DHX32: variants seen among roughly 807,000 people sequenced by gnomAD.
The protein encoded by DHX32 is DEAH-box helicase 32 (putative).
In DHX32, 51 loss-of-function variants were observed where a neutral mutation model predicts 70.0. That is an observed-to-expected ratio of 0.73 (90% CI 0.58 to 0.92). The LOEUF (loss-of-function observed/expected upper bound fraction) is 0.92. DHX32 is among the 40% of genes least tolerant of loss of function. The pLI is 0.00. For missense variants in DHX32, 762 were observed against 891.8 expected (o/e 0.85, Z 1.85); for synonymous variants, 310 against 315.3 (o/e 0.98, Z 0.18).
chr10:125,843,730 C>T (rs566483181), intron 6 of DHX32, among the ~76,000 whole-genome samples: 16 of 152,294 alleles, frequency 1.1e-4, no homozygotes, highest in African/African-American at 3.6e-4. Context: ...AGGGAAGCTG[C>T]GATGCAGCCT....
At chr10:125,891,564 T>G (rs1944371362) in intron 1 of DHX32, among the ~76,000 whole-genome samples, 1 of 152,110 alleles carries the variant, frequency 6.6e-6, no homozygotes, top group African/African-American at 2.4e-5. Flanking sequence ...AGACTCTATA[T>G]CTAAAAAATT....
At chr10:125,850,544 G>T (rs527722773) in intron 6 of DHX32, among the ~76,000 whole-genome samples, 1 of 151,890 alleles carries the variant, frequency 6.6e-6, no homozygotes, top group African/African-American at 2.4e-5. Context: ...TAGTAGAGAC[G>T]AGATTTCACC....
At chr10:125,877,474 C>T (rs1386963167) in intron 1 of DHX32, among the ~76,000 whole-genome samples, 1 of 151,932 alleles carries the variant, frequency 6.6e-6, no homozygotes, top group African/African-American at 2.4e-5. Flanking sequence ...ATCGCTTGAG[C>T]CCAGGAGTTC....
chr10:125,890,966 A>T (rs900349448), intron 1 of DHX32, among the ~76,000 whole-genome samples: 3 of 152,278 alleles, frequency 2.0e-5, no homozygotes, highest in African/African-American at 7.2e-5. Context: ...ATATTTTTTA[A>T]TGTATATACA....
chr10:125,884,195 T>C (rs1175088899), upstream of DHX32, among the ~76,000 whole-genome samples: 2 of 152,202 alleles, frequency 1.3e-5, no homozygotes, highest in African/African-American at 2.4e-5. Flanking sequence ...GTTGGGCCCA[T>C]TGACTCCAAT....
At chr10:125,888,721 C>T (rs77758378) in intron 1 of DHX32, among the ~76,000 whole-genome samples, 33 of 152,374 alleles carry the variant, frequency 2.2e-4, no homozygotes, top group Non-Finnish European at 2.5e-4. Context: ...AAAGCAAACT[C>T]TGAACTTTAT....
At chr10:125,865,671 A>G (rs1944216426) in intron 2 of DHX32, among the ~76,000 whole-genome samples, 1 of 152,120 alleles carries the variant, frequency 6.6e-6, no homozygotes, top group Admixed American at 6.5e-5. Flanking sequence ...CTGGGACTAT[A>G]GGCATGCACC....
intron 1 of DHX32, among the ~76,000 whole-genome samples, chr10:125,880,029 C>T (rs570887860): frequency 1.8e-4 from 27 of 152,232 alleles, no homozygotes; most frequent in African/African-American, 4.8e-4. Flanking sequence ...AGTGTGTGGC[C>T]CCAGGCCTGG....
At chr10:125,867,805 GAA>G (rs968654452) in intron 1 of DHX32, among the ~76,000 whole-genome samples, 1 of 150,304 alleles carries the variant, frequency 6.7e-6, no homozygotes, top group African/African-American at 2.4e-5. Context: ...CTGTGTTTCT[GAA>G]AAGACTAATG....
chr10:125,849,242 T>C (rs1323894828), intron 6 of DHX32, among the ~76,000 whole-genome samples: 1 of 152,244 alleles, frequency 6.6e-6, no homozygotes. Flanking sequence ...CACAGCCATC[T>C]TTCCGCCTGC....
intron 1 of DHX32, among the ~76,000 whole-genome samples, chr10:125,892,638 TA>T (rs1420124568): frequency 7.2e-5 from 11 of 152,302 alleles, no homozygotes; most frequent in Non-Finnish European, 1.5e-5. Context: ...GTTTACCCTT[TA>T]TGACATGCAA....
upstream of DHX32, among the ~76,000 whole-genome samples, chr10:125,884,515 A>G (rs1049882674): frequency 6.6e-6 from 1 of 152,242 alleles, no homozygotes; most frequent in Non-Finnish European, 1.5e-5. Context: ...TGTCAAGGAC[A>G]GCTATTTGAA....
intron 1 of DHX32, among the ~76,000 whole-genome samples, chr10:125,878,162 AAT>A (rs1944295543): frequency 6.6e-6 from 1 of 152,216 alleles, no homozygotes; most frequent in Non-Finnish European, 1.5e-5. Context: ...ACCTCCCCAG[AAT>A]ATGACTGAAG....
At position 125,866,712 on chromosome 10, in the gene DHX32, T is replaced by C. The variant is rs570990748; in HGVS notation, c.476+278A>G. On this transcript the variant is annotated intron_variant, in intron 2 of 10. Transcript: ENST00000284690. The surrounding 1 kb of genome is among the most constrained non-coding windows in gnomAD (Gnocchi z 4.8). ...AATGATGTGGACCCTGCATGAGGCA[T>C]AGCTCCAGAAGCACACGCTTGAAGG... Among the ~76,000 whole-genome samples, 2 of 152,224 alleles carry C rather than the reference T, an allele frequency of 1.3e-5. No individual in the cohort carries two copies. Among genetic ancestry groups the C allele is most frequent in the African/African-American group, 4.8e-5 (2 of 41,462 alleles).
chr10:125,891,446 A>T (rs1157693254), intron 1 of DHX32, among the ~76,000 whole-genome samples: 1 of 152,280 alleles, frequency 6.6e-6, no homozygotes, highest in Admixed American at 6.5e-5. Context: ...TAGACAAAAA[A>T]CCCATAAATA....
chr10:125,852,627 T>C lies in DHX32; in HGVS notation c.1108A>G (p.Ile370Val). The C allele has an allele frequency of 1.2e-6, 2 of 1,611,200 alleles. No individual in the cohort carries two copies. Among genetic ancestry groups the C allele is most frequent in the Non-Finnish European group, 1.7e-6 (2 of 1,179,250 alleles). ...TGCATGACGAGCGAGTTTGCTCTTA[T>C]TCTCGGGTTGTACACCTTTAAATGG... ...VERRKVYNPR[I>V]RANSLVMQPI... The change falls in exon 5 of 11, where the codon ATA (isoleucine) becomes GTA (valine). Residue 370 changes from isoleucine to valine, a missense_variant. Ile to Val is a conservative substitution (Grantham distance 29, BLOSUM62 3). This residue lies in a region of DHX32 where 394 missense variants were observed against 473.1 expected (regional missense o/e 0.83). Transcript: ENST00000284690.
At chr10:125,860,534 T>C (rs1219620879) in intron 2 of DHX32, among the ~76,000 whole-genome samples, 1 of 152,084 alleles carries the variant, frequency 6.6e-6, no homozygotes, top group African/African-American at 2.4e-5. Context: ...AACAGAAGGA[T>C]CTAAAAAGTA....
In DHX32 at chr10:125,840,913, C is replaced by T; in HGVS notation, c.1627G>A (p.Asp543Asn). Residue 543 changes from aspartate (D) to asparagine (N), a missense_variant, in exon 8 of 11, where the codon GAT becomes AAT. Physicochemically the swap from Asp to Asn is conservative, Grantham distance 23. Transcript: ENST00000284690. ...TAAATGCTGATGAGGGTAAAGTGATCTCCTTCGGGATGTAAAAATGTCTTC... is the reference window on the plus strand; with the variant it reads ...TAAATGCTGATGAGGGTAAAGTGATTTCCTTCGGGATGTAAAAATGTCTTC... ...CWKTFLHPEG[D>N]HFTLISIYKA... 1 of 1,612,266 alleles carries T rather than the reference C, an allele frequency of 6.2e-7. No individual in the cohort carries two copies. The highest frequency in any genetic ancestry group is 2.2e-5 in the East Asian group (1 of 44,822).
In DHX32 at chr10:125,880,801, A is replaced by T; in HGVS notation, c.24T>A (p.Cys8Ter). Residue 8 changes from cysteine (C) to a stop codon, truncating the protein, a stop_gained, in exon 1 of 11, where the codon TGT (cysteine) becomes TGA (stop). Transcript: ENST00000284690. LOFTEE classifies it high-confidence loss of function. Reference sequence around the variant, plus strand: ...AGCGTTTTTCAGAGGAAGAGTTTGGACACTCCAGCCCTTCTTCTTCCATCT... The same window carrying T: ...AGCGTTTTTCAGAGGAAGAGTTTGGTCACTCCAGCCCTTCTTCTTCCATCT... MEEEGLE[C>*]PNSSSEKRYF... is the part of the protein sequence containing the mutation. 6.2e-7 allele frequency: 1 copy of T among 1,614,050 alleles called. No individual in the cohort carries two copies. Among genetic ancestry groups the T allele is most frequent in the Non-Finnish European group, 8.5e-7 (1 of 1,179,972 alleles).
Sources: gnomAD v4.1 joint callset for allele counts (sites outside exome capture counted in the v4.1 genomes callset) on GRCh38, gnomAD v4.1.1 for gene constraint, gnomAD v4.1.1 regional missense constraint, Gnocchi (gnomAD v3.1) non-coding constraint, MANE v1.5 for transcripts, NCBI Gene and HGNC (gene_info 2026-07-23, HGNC 2026-07-21) for gene names.